Variants in PIK3C3 observed in about 807,000 individuals in gnomAD.
The protein encoded by PIK3C3 is PI3-kinase type 3.
A neutral mutation model predicts 126.1 loss-of-function variants in PIK3C3; 95 were observed. The ratio of observed to expected loss-of-function variants is 0.75; its 90% CI spans 0.64 to 0.89. The LOEUF is 0.89. PIK3C3 is among the 40% of genes least tolerant of loss of function. The probability of loss-of-function intolerance (pLI) is 0.00; values close to 1 mark genes in which losing one functional copy is unlikely to be tolerated. For synonymous variants in PIK3C3, 374 were observed against 360.0 expected (o/e 1.04, Z -0.44); for missense variants, 829 against 1,063.2 (o/e 0.78, Z 3.06).
In PIK3C3 at chr18:42,040,738, T is replaced by C. The variant is rs61755416; in HGVS notation, c.2100T>C (p.Ile700=). ...AAGTTCTTGATACAGAGGGAAGCAT[T>C]CAGGTATGGTATCAATAAAGATTAT... ...VAEVLDTEGS[I]QNFFRKYAPS... The change falls in exon 19 of 25, where the codon ATT becomes ATC. Residue 700 remains isoleucine (I), a synonymous_variant. Transcript: ENST00000262039. 5.3e-5 allele frequency: 84 copies of C among 1,588,472 alleles called. No homozygotes were observed. Among genetic ancestry groups the C allele is most frequent in the Middle Eastern group, 1.7e-4 (1 of 6,028 alleles).
At chr18:42,076,397 G>A (rs898710392) in intron 24 of PIK3C3, among the ~76,000 whole-genome samples, 2 of 151,674 alleles carry the variant, frequency 1.3e-5, no homozygotes, top group South Asian at 2.1e-4. Context: ...AGAAAAAAAC[G>A]TTAGCTGTGT....
In PIK3C3 at chr18:41,985,570, G is replaced by A. The variant is rs572900548; in HGVS notation, c.532-2242G>A. Among the ~76,000 whole-genome samples, 10 of 152,216 alleles carry A rather than the reference G, an allele frequency of 6.6e-5. No individual in the cohort carries two copies. The South Asian group carries it at 2.1e-3, about 32-fold the overall frequency. ...TTGATTATAGCATTTCATAGTGTGT[G>A]TGTACTCTAGTTTACTTAACAGTTC... On this transcript the variant is annotated intron_variant, in intron 4 of 24. Coordinates refer to ENST00000262039, the MANE Select transcript of PIK3C3 (RefSeq NM_002647.4).
At chr18:42,029,266 A>G (rs1567990610) in intron 14 of PIK3C3, 59 bp from the exon 15 acceptor site, 1 of 1,003,380 alleles carries the variant, frequency 1.0e-6, no homozygotes, top group Non-Finnish European at 1.6e-6. Context: ...CATGCTGTTA[A>G]AGAAATCCAG....
intron 4 of PIK3C3, among the ~76,000 whole-genome samples, chr18:41,973,666 A>C (rs1980777654): frequency 6.6e-6 from 1 of 152,156 alleles, no homozygotes; most frequent in South Asian, 2.1e-4. Context: ...CATTTTAAAA[A>C]GTTGTTCAGT....
At chr18:42,078,347 G>A (rs1009164206) in intron 24 of PIK3C3, among the ~76,000 whole-genome samples, 9 of 135,968 alleles carry the variant, frequency 6.6e-5, no homozygotes, top group East Asian at 2.2e-4. Context: ...ACTGCAGTCC[G>A]CAGTCCGGCC....
intron 13 of PIK3C3, among the ~76,000 whole-genome samples, chr18:42,024,980 A>AT (rs939605972): frequency 1.7e-4 from 25 of 150,674 alleles, no homozygotes; most frequent in East Asian, 1.6e-3. Flanking sequence ...ATTTTTTTGT[A>AT]TTTTTTTTAG....
At chr18:42,044,330 A>G (rs957648946) in intron 20 of PIK3C3, among the ~76,000 whole-genome samples, 37 of 152,072 alleles carry the variant, frequency 2.4e-4, no homozygotes, top group African/African-American at 8.7e-4. Flanking sequence ...TTTATTCTTC[A>G]GGCATTTATG....
chr18:41,988,880 T>C (rs1052060765), intron 5 of PIK3C3, among the ~76,000 whole-genome samples: 1 of 152,240 alleles, frequency 6.6e-6, no homozygotes, highest in South Asian at 2.1e-4. Context: ...CTAACTTATA[T>C]TTTTCTCTTC....
chr18:41,989,800 T>C (rs1341298766), intron 5 of PIK3C3, among the ~76,000 whole-genome samples: 1 of 152,206 alleles, frequency 6.6e-6, no homozygotes, highest in Non-Finnish European at 1.5e-5. Flanking sequence ...TGTCGTTAAG[T>C]GACATGTGAC....
At position 42,013,732 on chromosome 18, in the gene PIK3C3, G is replaced by A. The variant is rs937336386; in HGVS notation, c.1325+136G>A. 8.8e-5 allele frequency: 57 copies of A among 649,928 alleles called. 1 individual carries two copies. The Admixed American group carries it at 1.3e-3, about 15-fold the overall frequency. The allele number at this position is 649,928 out of a possible 1,614,324, so 40.3% of individuals were successfully genotyped here. A position where few individuals can be genotyped will look rare whatever the true frequency, so the allele number is the denominator to read the frequency against. ...GAAGTTTTACTAGTGAATATTGCAT[G>A]TGTACTCACAGCACACAGATTACTA... On this transcript the variant is annotated intron_variant, in intron 11 of 24. Coordinates refer to ENST00000262039, the MANE Select transcript of PIK3C3 (RefSeq NM_002647.4).
At chr18:41,976,068 T>A (rs1439663701) in intron 4 of PIK3C3, among the ~76,000 whole-genome samples, 2 of 152,176 alleles carry the variant, frequency 1.3e-5, no homozygotes, top group East Asian at 3.9e-4. Flanking sequence ...ACTGCATCTT[T>A]TGAATAAACG....
intron 10 of PIK3C3, among the ~76,000 whole-genome samples, 189 bp downstream of exon 10, chr18:42,004,730 C>T (rs1391720358): frequency 6.6e-6 from 1 of 152,094 alleles, no homozygotes; most frequent in African/African-American, 2.4e-5. Flanking sequence ...TCAGAGGACT[C>T]CTCTGTGAAA....
At chr18:41,970,769 C>T (rs955946028) in intron 4 of PIK3C3, 2 of 525,660 alleles carry the variant, frequency 3.8e-6, no homozygotes, top group Non-Finnish European at 6.7e-6. Flanking sequence ...TAGTTCCAGG[C>T]AAGTACTAAT....
intron 4 of PIK3C3, among the ~76,000 whole-genome samples, chr18:41,980,939 GT>G (rs1981168583): frequency 6.6e-6 from 1 of 152,058 alleles, no homozygotes; most frequent in Non-Finnish European, 1.5e-5. Context: ...TTCCTCGAAT[GT>G]TTTGTAAATG....
At chr18:42,063,936 A>G (rs1985428736) in intron 22 of PIK3C3, among the ~76,000 whole-genome samples, 1 of 152,098 alleles carries the variant, frequency 6.6e-6, no homozygotes, top group Admixed American at 6.5e-5. Context: ...ATCTCTTTTT[A>G]TCAGTGCTAA....
chr18:42,040,528 A>G (rs1984263900), intron 18 of PIK3C3, 149 bp from the exon 19 acceptor site: 1 of 471,844 alleles, frequency 2.1e-6, no homozygotes, highest in Admixed American at 4.0e-5. Context: ...AAATGCCAGT[A>G]CAAACTTAAT....
At chr18:42,013,959 G>A (rs1982950100) in intron 11 of PIK3C3, among the ~76,000 whole-genome samples, 1 of 152,094 alleles carries the variant, frequency 6.6e-6, no homozygotes. Flanking sequence ...ATAGGAAACT[G>A]TCTAATACAT....
intron 20 of PIK3C3, among the ~76,000 whole-genome samples, chr18:42,047,234 C>T (rs1203798842): frequency 6.6e-6 from 1 of 152,140 alleles, no homozygotes; most frequent in Non-Finnish European, 1.5e-5. Context: ...AACAACTCAG[C>T]TGCACTGATG....
intron 5 of PIK3C3, among the ~76,000 whole-genome samples, chr18:41,989,011 A>G (rs1219845719): frequency 6.6e-6 from 1 of 152,124 alleles, no homozygotes; most frequent in Non-Finnish European, 1.5e-5. Context: ...TACTATTACA[A>G]AATAGACTAT....
Sources: allele counts gnomAD v4.1 joint callset (sites outside exome capture counted in the v4.1 genomes callset), GRCh38; gene constraint gnomAD v4.1.1; transcripts MANE v1.5; gene names NCBI Gene and HGNC (gene_info 2026-07-23, HGNC 2026-07-21).